The following PPP1R9A variants were observed in gnomAD, a reference collection of about 807,000 sequenced individuals.
PPP1R9A encodes the protein protein phosphatase 1 regulatory subunit 9A, also known as neurabin-1.
A neutral mutation model predicts 141.9 loss-of-function variants in PPP1R9A; 59 were observed. The ratio of observed to expected loss-of-function variants is 0.42; its 90% CI spans 0.34 to 0.52. The LOEUF (loss-of-function observed/expected upper bound fraction) is 0.52, where lower values mean the gene tolerates loss of function less well. Ranked by LOEUF, PPP1R9A falls within the 20% of genes least tolerant of loss-of-function variation. The pLI is 0.10. For missense variants in PPP1R9A, 1,444 were observed against 1,611.9 expected (o/e 0.90, Z 1.78); for synonymous variants, 500 against 569.7 (o/e 0.88, Z 1.74).
intron 2 of PPP1R9A, among the ~76,000 whole-genome samples, chr7:95,089,364 A>G (rs1452219741): frequency 6.6e-6 from 1 of 152,028 alleles, no homozygotes; most frequent in East Asian, 1.9e-4. Context: ...TCTTTTTTAT[A>G]GAGAACCATT....
chr7:95,142,597 C>T (rs1408910216), intron 4 of PPP1R9A, among the ~76,000 whole-genome samples: 1 of 152,022 alleles, frequency 6.6e-6, no homozygotes. Context: ...TTTCTAGCAT[C>T]ATTTTTTGAA....
At chr7:95,120,288 A>G (rs1029281033) in intron 3 of PPP1R9A, among the ~76,000 whole-genome samples, 4 of 148,058 alleles carry the variant, frequency 2.7e-5, no homozygotes, top group Admixed American at 2.6e-4. Flanking sequence ...TGAATAAACA[A>G]GTAAAGAAGA....
chr7:95,083,909 A>G (rs1584604421), intron 2 of PPP1R9A, among the ~76,000 whole-genome samples: 2 of 152,052 alleles, frequency 1.3e-5, no homozygotes, highest in South Asian at 2.1e-4. Context: ...CCAAGTTGCA[A>G]TCATAATCAC....
At chr7:95,253,467 G>A (rs138532740) in intron 12 of PPP1R9A, among the ~76,000 whole-genome samples, 2,124 of 152,132 alleles carry the variant, frequency 0.014, 30 homozygotes, top group Non-Finnish European at 0.022. Flanking sequence ...CCATTCACTG[G>A]GTTTATATCC....
intron 5 of PPP1R9A, among the ~76,000 whole-genome samples, chr7:95,192,079 A>C (rs1835589709): frequency 6.6e-6 from 1 of 152,074 alleles, no homozygotes; most frequent in African/African-American, 2.4e-5. Flanking sequence ...CAGTGGCAAC[A>C]GAAATTTTGG....
chr7:94,995,060 GA>G (rs1392109275), intron 2 of PPP1R9A, among the ~76,000 whole-genome samples: 3 of 151,814 alleles, frequency 2.0e-5, no homozygotes, highest in Non-Finnish European at 4.4e-5. Flanking sequence ...TTATGTATCT[GA>G]AAAAAAGTAT....
At chr7:94,953,608 A>G (rs1042654459) in intron 2 of PPP1R9A, among the ~76,000 whole-genome samples, 3 of 151,954 alleles carry the variant, frequency 2.0e-5, no homozygotes, top group African/African-American at 4.8e-5. Flanking sequence ...ATGTTTTTCC[A>G]TTTGTTTGTG....
At chr7:95,178,382 G>A (rs983377496) in intron 5 of PPP1R9A, among the ~76,000 whole-genome samples, 2 of 152,046 alleles carry the variant, frequency 1.3e-5, no homozygotes, top group Non-Finnish European at 2.9e-5. Context: ...TACAGCAAAT[G>A]TGGTGCTAAG....
At chr7:94,963,507 G>A (rs538737446) in intron 2 of PPP1R9A, among the ~76,000 whole-genome samples, 3 of 151,960 alleles carry the variant, frequency 2.0e-5, no homozygotes, top group Admixed American at 6.6e-5. Flanking sequence ...TTTCTGGATT[G>A]GCTTGTTCTG....
intron 4 of PPP1R9A, among the ~76,000 whole-genome samples, chr7:95,133,513 T>TTATATATATATATATATATATA (rs10570222): frequency 6.0e-5 from 8 of 132,684 alleles, no homozygotes; most frequent in South Asian, 2.5e-4. Context: ...TGCAGTCGTA[T>TTATATATATATATATATATATA]TATATATATA....
intron 2 of PPP1R9A, among the ~76,000 whole-genome samples, chr7:95,102,316 C>T (rs868251211): frequency 2.0e-5 from 3 of 152,034 alleles, no homozygotes; most frequent in African/African-American, 4.8e-5. Context: ...TATAAATAAG[C>T]CACAACTTAG....
chr7:94,916,339 C>T (rs910729428), intron 2 of PPP1R9A, among the ~76,000 whole-genome samples: 7 of 152,160 alleles, frequency 4.6e-5, no homozygotes, highest in African/African-American at 1.7e-4. Flanking sequence ...TTCTAACAAG[C>T]TCTCAAGTGG....
intron 12 of PPP1R9A, among the ~76,000 whole-genome samples, chr7:95,267,581 C>T (rs1038981885): frequency 3.3e-5 from 5 of 151,972 alleles, no homozygotes; most frequent in Admixed American, 6.6e-5. Context: ...ATCTAGGTAG[C>T]AAAATTAAAG....
chr7:95,252,118 G>A lies in PPP1R9A; in HGVS notation c.2653G>A (p.Gly885Ser). 6.3e-7 allele frequency: 1 copy of A among 1,591,948 alleles called. No homozygotes were observed. The change falls in exon 12 of 20, where the codon GGC becomes AGC. Residue 885 changes from glycine to serine, a missense_variant. Physicochemically the swap from Gly to Ser is moderately conservative, Grantham distance 56. Transcript: ENST00000433360. ...TGGCAAGCAGACATCTTGCCAAGAT[G>A]GCCTAAGTCAAGGTTTGTTTAACCC... ...LDGKQTSCQD[G>S]LSQDLNEAVP...
chr7:95,136,186 GGC>G (rs1825636824), intron 4 of PPP1R9A, among the ~76,000 whole-genome samples: 1 of 152,010 alleles, frequency 6.6e-6, no homozygotes, highest in East Asian at 1.9e-4. Flanking sequence ...AGAAATAAAA[GGC>G]ATAATTTCAT....
chr7:95,274,217 T>C (rs1445742751), intron 16 of PPP1R9A, 49 bp downstream of exon 16: 10 of 1,440,018 alleles, frequency 6.9e-6, no homozygotes, highest in Middle Eastern at 1.8e-4. Context: ...CTAAACTTTC[T>C]GGCCCCCTCT....
At chr7:95,137,415 C>CAAAAAAAAAAAAAAAAAAA (rs33928009) in intron 4 of PPP1R9A, among the ~76,000 whole-genome samples, 17 of 91,522 alleles carry the variant, frequency 1.9e-4, no homozygotes, top group African/African-American at 6.9e-4. Flanking sequence ...GACATGAACT[C>CAAAAAAAAAAAAAAAAAAA]AAAAAAAAAA....
intron 2 of PPP1R9A, among the ~76,000 whole-genome samples, chr7:95,061,101 A>T (rs754850495): frequency 6.6e-6 from 1 of 152,196 alleles, no homozygotes; most frequent in Admixed American, 6.5e-5. Context: ...ACAGAATCCC[A>T]TAGTAACATG....
At chr7:95,209,806 A>G (rs774871356) in intron 7 of PPP1R9A, among the ~76,000 whole-genome samples, 1 of 152,174 alleles carries the variant, frequency 6.6e-6, no homozygotes, top group African/African-American at 2.4e-5. Flanking sequence ...TCAACATTCA[A>G]TTACTTGTAC....
Sources: allele counts gnomAD v4.1 joint callset (sites outside exome capture counted in the v4.1 genomes callset), GRCh38; gene constraint gnomAD v4.1.1; transcripts MANE v1.5; gene names NCBI Gene and HGNC (gene_info 2026-07-23, HGNC 2026-07-21).